Variants in DPP10 observed in about 807,000 individuals in gnomAD.
DPP10 encodes the protein dipeptidyl peptidase like 10, also known as inactive dipeptidyl peptidase 10.
A neutral mutation model predicts 120.9 loss-of-function variants in DPP10; 33 were observed. The observed-to-expected ratio is 0.27, with a 90% CI of 0.21 to 0.37. The LOEUF is 0.37. Among genes scored for constraint, DPP10 ranks in the 10% least tolerant of loss-of-function variants. The pLI is 1.00. For missense variants in DPP10, 816 were observed against 942.8 expected (o/e 0.87, Z 1.76); for synonymous variants, 337 against 326.1 (o/e 1.03, Z -0.36).
chr2:115,700,390 G>A (rs1174512453), intron 7 of DPP10, among the ~76,000 whole-genome samples: 1 of 151,570 alleles, frequency 6.6e-6, no homozygotes, highest in African/African-American at 2.4e-5. Flanking sequence ...ACCCTTATAT[G>A]ACTAAAAAAA....
intron 1 of DPP10, among the ~76,000 whole-genome samples, chr2:114,477,861 GTA>G (rs1264420094): frequency 1.0e-5 from 1 of 100,248 alleles, no homozygotes; most frequent in African/African-American, 2.8e-5. Flanking sequence ...ATAAATATAT[GTA>G]TATATGTACA....
intron 5 of DPP10, among the ~76,000 whole-genome samples, chr2:115,680,820 C>A (rs2090601881): frequency 6.6e-6 from 1 of 151,798 alleles, no homozygotes; most frequent in Non-Finnish European, 1.5e-5. Context: ...AAGTTATAAT[C>A]TGTCATATAA....
chr2:115,213,716 T>G (rs968764395), intron 1 of DPP10, among the ~76,000 whole-genome samples: 1 of 152,158 alleles, frequency 6.6e-6, no homozygotes, highest in Non-Finnish European at 1.5e-5. Flanking sequence ...ATGCATATGC[T>G]TAATCCCAAA....
intron 1 of DPP10, among the ~76,000 whole-genome samples, chr2:114,826,275 CTT>C (rs759766016): frequency 2.6e-5 from 4 of 152,164 alleles, no homozygotes; most frequent in East Asian, 1.9e-4. Context: ...TATTTACTGA[CTT>C]CACTGAAACA....
chr2:115,591,502 G>A (rs949376480), intron 5 of DPP10, among the ~76,000 whole-genome samples: 1 of 152,020 alleles, frequency 6.6e-6, no homozygotes. Context: ...CTGTTCTGTT[G>A]CATTGGTCTA....
rs1208774771 is a variant in DPP10, at chr2:115,266,725, T to A, written c.61-42514T>A. Among the ~76,000 whole-genome samples the A allele has an allele frequency of 2.0e-5, 3 of 152,208 alleles. No individual in the cohort carries two copies. In the East Asian group the frequency reaches 5.8e-4, roughly 29 times the overall value. ...ATGCAAATGGCTTCATATTCGAGAA[T>A]GATAATAATTTGGTCAACTTTTATG... On this transcript the variant is annotated intron_variant, in intron 1 of 25. Coordinates refer to ENST00000410059, the MANE Select transcript of DPP10 (RefSeq NM_020868.6).
intron 1 of DPP10, among the ~76,000 whole-genome samples, chr2:114,578,691 G>T (rs932077706): frequency 1.3e-5 from 2 of 152,132 alleles, no homozygotes; most frequent in Non-Finnish European, 2.9e-5. Context: ...AATTGAGACG[G>T]TGTTCTGGAT....
intron 2 of DPP10, among the ~76,000 whole-genome samples, chr2:115,341,271 T>A (rs942690412): frequency 1.2e-4 from 19 of 152,106 alleles, no homozygotes; most frequent in South Asian, 1.0e-3. Context: ...AGTTTTTTTT[T>A]ATAATAGATT....
chr2:115,197,468 C>G (rs942542620), intron 1 of DPP10, among the ~76,000 whole-genome samples: 1 of 151,828 alleles, frequency 6.6e-6, no homozygotes, highest in Non-Finnish European at 1.5e-5. Context: ...CATAAACTTA[C>G]CTTTAGGAGG....
At position 115,438,087 on chromosome 2, in the gene DPP10, A is replaced by T. The variant is rs571504129; in HGVS notation, c.272-61423A>T. 2.0e-5 allele frequency among the ~76,000 whole-genome samples: 3 copies of T among 152,210 alleles called. No individual in the cohort carries two copies. In the East Asian group the frequency reaches 5.8e-4, roughly 29 times the overall value. On this transcript the variant is annotated intron_variant, in intron 3 of 25. Transcript: ENST00000410059. ...TAACGTGGATGAAATCTCAAATTAA[A>T]CAAAAACCATGATTAAAAAATGGTG... is the stretch of plus-strand genomic sequence containing the variant.
intron 1 of DPP10, among the ~76,000 whole-genome samples, chr2:114,856,680 C>T: frequency 6.6e-6 from 1 of 152,064 alleles, no homozygotes; most frequent in East Asian, 1.9e-4. Flanking sequence ...CAAAGACATG[C>T]AAAACTAATC....
chr2:114,903,590 T>C (rs1693751945), intron 1 of DPP10, among the ~76,000 whole-genome samples: 1 of 152,200 alleles, frequency 6.6e-6, no homozygotes, highest in Non-Finnish European at 1.5e-5. Flanking sequence ...CAGTGTCTTT[T>C]GGTATTTTCA....
intron 1 of DPP10, among the ~76,000 whole-genome samples, chr2:115,167,195 G>A (rs922677493): frequency 1.3e-5 from 2 of 151,596 alleles, no homozygotes; most frequent in African/African-American, 4.9e-5. Flanking sequence ...TTTTGAATAA[G>A]GTCTGACTCA....
intron 1 of DPP10, among the ~76,000 whole-genome samples, chr2:115,111,803 G>T (rs1169659687): frequency 4.6e-5 from 7 of 152,174 alleles, no homozygotes; most frequent in Non-Finnish European, 1.0e-4. Flanking sequence ...TTGAACATTT[G>T]GAAAACTGGG....
At chr2:115,593,693 G>C (rs768368030) in intron 5 of DPP10, among the ~76,000 whole-genome samples, 6 of 152,088 alleles carry the variant, frequency 3.9e-5, no homozygotes, top group Non-Finnish European at 7.4e-5. Context: ...CTAATAATAG[G>C]TATATGACTG....
intron 1 of DPP10, among the ~76,000 whole-genome samples, chr2:114,611,542 G>A (rs1693287819): frequency 6.6e-6 from 1 of 152,086 alleles, no homozygotes; most frequent in African/African-American, 2.4e-5. Flanking sequence ...AGAATTGATT[G>A]TATTATGGTA....
intron 1 of DPP10, among the ~76,000 whole-genome samples, chr2:115,142,372 T>C (rs994120049): frequency 1.3e-5 from 2 of 152,064 alleles, no homozygotes; most frequent in African/African-American, 4.8e-5. Flanking sequence ...CCCAAGGTTT[T>C]AAATACAGAC....
chr2:115,754,066 C>T (rs1478148423), intron 11 of DPP10, among the ~76,000 whole-genome samples: 1 of 152,112 alleles, frequency 6.6e-6, no homozygotes, highest in Non-Finnish European at 1.5e-5. Flanking sequence ...AGGATCATGA[C>T]CATAAATGCT....
intron 1 of DPP10, among the ~76,000 whole-genome samples, chr2:115,024,713 A>T (rs4527211): frequency 0.53 from 77,998 of 147,040 alleles, 21,436 homozygotes; most frequent in East Asian, 0.65. Context: ...ATATTTGTTA[A>T]ATATATTTGT....
Sources: allele counts gnomAD v4.1 joint callset (sites outside exome capture counted in the v4.1 genomes callset), GRCh38; gene constraint gnomAD v4.1.1; transcripts MANE v1.5; gene names NCBI Gene and HGNC (gene_info 2026-07-23, HGNC 2026-07-21).